The following FREM1 variants were observed in gnomAD, a reference collection of about 807,000 sequenced individuals.
FREM1 encodes the protein FRAS1-related extracellular matrix protein 1.
In FREM1, 220 loss-of-function variants were observed where a neutral mutation model predicts 210.1. That is an observed-to-expected ratio of 1.05 (90% CI 0.94 to 1.17). The LOEUF (loss-of-function observed/expected upper bound fraction) is 1.17, where lower values mean the gene tolerates loss of function less well. Ranked by LOEUF, FREM1 falls within the 50% of genes most tolerant of loss-of-function variation. The probability of loss-of-function intolerance (pLI) is 0.00; values close to 1 mark genes in which losing one functional copy is unlikely to be tolerated. For missense variants in FREM1, 3,454 were observed against 2,675.5 expected, an observed-to-expected ratio of 1.29 and a Z score of -6.42; for synonymous variants, 1,189 against 980.2, an observed-to-expected ratio of 1.21 and a Z score of -3.98.
At chr9:14,806,156 G>A (rs1818304439) in intron 18 of FREM1, among the ~76,000 whole-genome samples, 1 of 151,936 alleles carries the variant, frequency 6.6e-6, no homozygotes, top group Non-Finnish European at 1.5e-5. Flanking sequence ...CATGCAAGGG[G>A]GAAGTCAGAA....
At chr9:14,772,161 T>C (rs1358726208) in intron 25 of FREM1, among the ~76,000 whole-genome samples, 1 of 152,162 alleles carries the variant, frequency 6.6e-6, no homozygotes, top group African/African-American at 2.4e-5. Flanking sequence ...AAGAAACAGA[T>C]ATTTTTATAT....
At chr9:14,832,017 C>T (rs1192407387) in intron 10 of FREM1, among the ~76,000 whole-genome samples, 1 of 152,232 alleles carries the variant, frequency 6.6e-6, no homozygotes, top group Non-Finnish European at 1.5e-5. Flanking sequence ...TTTATTCTCA[C>T]TTCTCTTTCT....
intron 25 of FREM1, among the ~76,000 whole-genome samples, chr9:14,774,328 G>A (rs1268428417): frequency 6.6e-6 from 1 of 152,140 alleles, no homozygotes; most frequent in Non-Finnish European, 1.5e-5. Flanking sequence ...ATCAGTTGTA[G>A]GCTTTAAGAG....
At chr9:14,870,926 T>A (rs1284505015) in intron 1 of FREM1, among the ~76,000 whole-genome samples, 2 of 151,582 alleles carry the variant, frequency 1.3e-5, no homozygotes, top group Admixed American at 1.3e-4. Flanking sequence ...GTTCCTGCGA[T>A]AGTTTACTGA....
intron 25 of FREM1, 38 bp from the exon 26 acceptor site, chr9:14,770,844 G>C: frequency 6.7e-7 from 1 of 1,488,010 alleles, no homozygotes; most frequent in African/African-American, 1.4e-5. Context: ...TTGTCCAAAG[G>C]CCCCTCACCC....
chr9:14,906,214 T>C (rs1306175549), intron 1 of FREM1, among the ~76,000 whole-genome samples: 2 of 152,140 alleles, frequency 1.3e-5, no homozygotes, highest in African/African-American at 4.8e-5. Flanking sequence ...ACTGGCTGAG[T>C]AACTTGGCCA....
At chr9:14,757,803 G>A (rs1426958136) in intron 28 of FREM1, among the ~76,000 whole-genome samples, 1 of 152,088 alleles carries the variant, frequency 6.6e-6, no homozygotes, top group Non-Finnish European at 1.5e-5. Context: ...ATATTAATTG[G>A]TTAGCAGTGG....
intron 21 of FREM1, among the ~76,000 whole-genome samples, chr9:14,795,478 C>T (rs1451115783): frequency 2.6e-5 from 4 of 151,968 alleles, no homozygotes; most frequent in South Asian, 2.1e-4. Context: ...GAGCAGTTTC[C>T]GGGAGAAGGA....
chr9:14,884,887 T>C lies in FREM1; in HGVS notation c.-267-15643A>G, dbSNP rs140452292. Among the ~76,000 whole-genome samples the C allele has an allele frequency of 6.1e-3, 916 of 150,682 alleles. 6 individuals are homozygous for C. The highest frequency in any genetic ancestry group is 9.6e-3 in the Non-Finnish European group (647 of 67,602). On this transcript the variant is annotated intron_variant, in intron 1 of 36. Transcript: ENST00000380880. Reference sequence around the variant, plus strand: ...CTTCCCCCTCCTATGCCCAGCATAGTTATCAAGATATCAATAATTCATCAT... The same window carrying C: ...CTTCCCCCTCCTATGCCCAGCATAGCTATCAAGATATCAATAATTCATCAT...
intron 13 of FREM1, among the ~76,000 whole-genome samples, chr9:14,820,722 T>C (rs1821143198): frequency 6.6e-6 from 1 of 152,162 alleles, no homozygotes; most frequent in African/African-American, 2.4e-5. Context: ...CAACTACCAA[T>C]GCAAAAACAT....
In FREM1 at chr9:14,797,584, G is replaced by C. The variant is rs1852670750; in HGVS notation, c.3753C>G (p.Ile1251Met). 1.9e-6 allele frequency: 3 copies of C among 1,611,332 alleles called. No homozygotes were observed. Among genetic ancestry groups the C allele is most frequent in the East Asian group, 4.5e-5 (2 of 44,820 alleles). Residue 1251 changes from isoleucine (I) to methionine (M), a missense_variant, in exon 21 of 37, where the codon ATC becomes ATG. Ile to Met is a conservative substitution (Grantham distance 10, BLOSUM62 1). Coordinates refer to ENST00000380880, the MANE Select transcript of FREM1 (RefSeq NM_001379081.2). ...TCTTATGTTTCCCATCTGACAATTGGATTGTAAAATCATCAGCAAGGCTCT... is the reference window on the plus strand; with the variant it reads ...TCTTATGTTTCCCATCTGACAATTGCATTGTAAAATCATCAGCAAGGCTCT... ...DSESLADDFT[I>M]QLSDGKHKIL...
At chr9:14,791,356 T>A (rs1587997940) in intron 22 of FREM1, among the ~76,000 whole-genome samples, 1 of 152,370 alleles carries the variant, frequency 6.6e-6, no homozygotes, top group Non-Finnish European at 1.5e-5. Context: ...CCCTTTATTG[T>A]TTCCATGCTT....
intron 23 of FREM1, among the ~76,000 whole-genome samples, chr9:14,785,625 G>A (rs1041122353): frequency 2.0e-5 from 3 of 152,064 alleles, no homozygotes; most frequent in Non-Finnish European, 2.9e-5. Context: ...AGGGAGTCCT[G>A]GCACATGCTA....
chr9:14,770,688 G>A lies in FREM1; in HGVS notation c.4976C>T (p.Ser1659Leu). 1 of 1,613,474 alleles carries A rather than the reference G, an allele frequency of 6.2e-7. No homozygotes were observed. The highest frequency in any genetic ancestry group is 1.3e-5 in the African/African-American group (1 of 75,034). The change falls in exon 26 of 37, where the codon TCA (serine) becomes TTA (leucine). Residue 1659 changes from serine to leucine, a missense_variant. Transcript: ENST00000380880. Reference sequence around the variant, plus strand: ...CTGATCGTCCTCAGTGTCAGGGTCTGATGCCTTCAACACGCGGGAAGTGAT... The same window carrying A: ...CTGATCGTCCTCAGTGTCAGGGTCTAATGCCTTCAACACGCGGGAAGTGAT... ...IYITSRVLKA[S>L]DPDTEDDQII...
At chr9:14,795,629 A>G (rs1361901815) in intron 21 of FREM1, among the ~76,000 whole-genome samples, 1 of 152,210 alleles carries the variant, frequency 6.6e-6, no homozygotes, top group African/African-American at 2.4e-5. Flanking sequence ...GATTCTGTAG[A>G]TGTAGCTATT....
In FREM1 at chr9:14,740,171, A is replaced by G. The variant is rs1841279974; in HGVS notation, c.6318T>C (p.Gly2106=). 6.2e-7 allele frequency: 1 copy of G among 1,612,662 alleles called. No homozygotes were observed. Among genetic ancestry groups the G allele is most frequent in the Non-Finnish European group, 8.5e-7 (1 of 1,179,142 alleles). Residue 2106 remains glycine, a synonymous_variant, in exon 36 of 37, where the codon GGT becomes GGC. Transcript: ENST00000380880. The stretch of plus-strand genomic sequence containing the variant: ...TGCCTATCCAAAAGGACTTTCTCCC[A>G]CCAATGTCCCAGAGCCACCGCATGT... ...RQHMRWLWDI[G]GRKSFWIGLN...
chr9:14,813,806 T>C (rs1013421373), intron 15 of FREM1, among the ~76,000 whole-genome samples: 1 of 152,212 alleles, frequency 6.6e-6, no homozygotes, highest in African/African-American at 2.4e-5. Context: ...CAGCCACAAC[T>C]TGGTGTGTGC....
At chr9:14,785,934 T>A (rs1256863588) in intron 23 of FREM1, among the ~76,000 whole-genome samples, 1 of 151,916 alleles carries the variant, frequency 6.6e-6, no homozygotes, top group Non-Finnish European at 1.5e-5. Context: ...TTCACCACTA[T>A]TTTTTTTAAA....
intron 20 of FREM1, among the ~76,000 whole-genome samples, chr9:14,798,995 G>A (rs1185225966): frequency 1.3e-5 from 2 of 151,772 alleles, no homozygotes; most frequent in Non-Finnish European, 2.9e-5. Context: ...AAAGTAAGAA[G>A]AGGCCAGTTA....
Sources: gnomAD v4.1 joint callset for allele counts (sites outside exome capture counted in the v4.1 genomes callset) on GRCh38, gnomAD v4.1.1 for gene constraint, MANE v1.5 for transcripts, NCBI Gene and HGNC (gene_info 2026-07-23, HGNC 2026-07-21) for gene names.